The following MYO16 variants were observed in gnomAD, a reference collection of about 807,000 sequenced individuals.
MYO16 encodes myosin XVI.
Under a neutral mutation model 205.3 loss-of-function variants are expected in MYO16, and 94 were observed. The ratio of observed to expected loss-of-function variants is 0.46; its 90% CI spans 0.39 to 0.54. The LOEUF (loss-of-function observed/expected upper bound fraction) is 0.54, where lower values mean the gene tolerates loss of function less well. MYO16 is among the 20% of genes least tolerant of loss of function. The pLI is 0.00. For synonymous variants in MYO16, 988 were observed against 954.0 expected (o/e 1.04, Z -0.66); for missense variants, 2,315 against 2,387.5 (o/e 0.97, Z 0.63).
At chr13:108,553,993 C>T in the MYO16 span, among the ~76,000 whole-genome samples, 1 of 152,202 alleles carries the variant, frequency 6.6e-6, no homozygotes, top group African/African-American at 2.4e-5. Flanking sequence ...CTCACCAATG[C>T]ACTCTGATGG....
At chr13:108,902,769 AC>A (rs1165159567) in intron 15 of MYO16, among the ~76,000 whole-genome samples, 1 of 152,154 alleles carries the variant, frequency 6.6e-6, no homozygotes, top group Non-Finnish European at 1.5e-5. Context: ...ATTAGGACAC[AC>A]CCTACTCCAG....
At chr13:108,542,494 A>G in the MYO16 span, among the ~76,000 whole-genome samples, 2 of 152,194 alleles carry the variant, frequency 1.3e-5, no homozygotes, top group East Asian at 3.8e-4. Flanking sequence ...TTTTTTAAAA[A>G]TAAATAGTTA....
chr13:108,536,510 A>G, the MYO16 span, among the ~76,000 whole-genome samples: 1 of 152,032 alleles, frequency 6.6e-6, no homozygotes, highest in East Asian at 1.9e-4. Context: ...AATAACAGTA[A>G]CAAGCTCTGT....
At chr13:108,695,625 A>G (rs2076942144) in intron 2 of MYO16, among the ~76,000 whole-genome samples, 1 of 152,148 alleles carries the variant, frequency 6.6e-6, no homozygotes, top group Non-Finnish European at 1.5e-5. Context: ...AAAATATATT[A>G]GTTATTGTAG....
At chr13:109,113,170 T>G (rs1875491514) in intron 28 of MYO16, among the ~76,000 whole-genome samples, 1 of 152,154 alleles carries the variant, frequency 6.6e-6, no homozygotes, top group Non-Finnish European at 1.5e-5. Flanking sequence ...TTGAATAAGT[T>G]CTAGAAGCCT....
intron 20 of MYO16, among the ~76,000 whole-genome samples, chr13:108,985,777 A>C (rs544897518): frequency 2.0e-5 from 3 of 152,230 alleles, no homozygotes; most frequent in Non-Finnish European, 4.4e-5. Context: ...ATGAATCTGC[A>C]TTTAAGTGCT....
chr13:108,623,110 A>G (rs1404391661), intron 1 of MYO16, among the ~76,000 whole-genome samples: 2 of 152,134 alleles, frequency 1.3e-5, no homozygotes, highest in African/African-American at 4.8e-5. Context: ...TACACACACG[A>G]CGTCCAGCTT....
At chr13:108,546,613 AT>A in the MYO16 span, among the ~76,000 whole-genome samples, 28 of 151,612 alleles carry the variant, frequency 1.8e-4, no homozygotes, top group South Asian at 4.8e-3. Flanking sequence ...CACTTTCTGA[AT>A]TTTTTTTGCA....
chr13:108,574,246 G>T, the MYO16 span, among the ~76,000 whole-genome samples: 3 of 152,100 alleles, frequency 2.0e-5, no homozygotes, highest in African/African-American at 7.2e-5. Flanking sequence ...TATGTCTCTT[G>T]TTGGCATCCA....
At chr13:108,579,002 G>A in the MYO16 span, among the ~76,000 whole-genome samples, 5 of 151,756 alleles carry the variant, frequency 3.3e-5, no homozygotes, top group Non-Finnish European at 7.4e-5. Context: ...TAATGGCTGT[G>A]AAATTATATC....
intron 16 of MYO16, among the ~76,000 whole-genome samples, chr13:108,927,500 G>A (rs1325783498): frequency 1.3e-5 from 2 of 152,178 alleles, no homozygotes; most frequent in Admixed American, 6.5e-5. Flanking sequence ...TGCAGTGGGA[G>A]CCACCCTTCT....
Position 108,883,108 on chromosome 13 carries a change from C to T in MYO16, c.1475C>T (p.Pro492Leu), listed in dbSNP as rs1004130949. The T allele has an allele frequency of 1.9e-6, 3 of 1,614,124 alleles. No individual in the cohort carries two copies. The highest frequency in any genetic ancestry group is 2.5e-6 in the Non-Finnish European group (3 of 1,180,008). Residue 492 changes from proline (P) to leucine (L), a missense_variant, in exon 13 of 35, where the codon CCT becomes CTT. Physicochemically the swap from Pro to Leu is moderately conservative, Grantham distance 98. Coordinates refer to ENST00000457511, the MANE Select transcript of MYO16 (RefSeq NM_001198950.3). ...SSSGKLCSSL[P>L]PHLFSCVERA... Reference sequence around the variant, plus strand: ...TCAGGGAAGCTGTGTTCCTCGCTGCCTCCTCACCTCTTCTCCTGTGTGGAG... The same window carrying T: ...TCAGGGAAGCTGTGTTCCTCGCTGCTTCCTCACCTCTTCTCCTGTGTGGAG...
chr13:108,937,178 A>G (rs1882526996), intron 16 of MYO16, among the ~76,000 whole-genome samples: 2 of 151,804 alleles, frequency 1.3e-5, no homozygotes, highest in Non-Finnish European at 2.9e-5. Context: ...CAGACCCCCA[A>G]TTTTTCCTGG....
In MYO16 at chr13:109,206,791, C is replaced by G. The variant is rs766837322; in HGVS notation, c.5598C>G (p.Ala1866=). ...KPSLLKKPEG[A]SCNRLPSELW... ...GCCTTCTGAAGAAGCCGGAAGGGGC[C>G]TCCTGCAACAGGCTGCCGTCTGAGC... Residue 1866 remains alanine, a synonymous_variant, in exon 35 of 35, where the codon GCC becomes GCG. Coordinates refer to ENST00000457511, the MANE Select transcript of MYO16 (RefSeq NM_001198950.3). 1 of 1,614,226 alleles carries G rather than the reference C, an allele frequency of 6.2e-7. No homozygotes were observed. The highest frequency in any genetic ancestry group is 2.2e-5 in the East Asian group (1 of 44,876).
chr13:108,972,249 C>CTCTCTCTCTATATATATATA (rs1178345437), intron 20 of MYO16, among the ~76,000 whole-genome samples: 3 of 2,850 alleles, frequency 1.1e-3, no homozygotes, highest in African/African-American at 2.7e-3. Context: ...CTCTCTCTCT[C>CTCTCTCTCTATATATATATA]TATATATATA....
intron 6 of MYO16, among the ~76,000 whole-genome samples, chr13:108,802,163 T>G (rs1005188647): frequency 2.6e-5 from 4 of 152,234 alleles, no homozygotes; most frequent in Non-Finnish European, 5.9e-5. Flanking sequence ...ATAGTCATCC[T>G]GCTTTGCAAC....
chr13:108,971,694 T>C (rs1471406872), intron 20 of MYO16, among the ~76,000 whole-genome samples: 17 of 152,122 alleles, frequency 1.1e-4, no homozygotes, highest in Admixed American at 9.8e-4. Flanking sequence ...TCTTATAGTA[T>C]TTTAGTTGAC....
At chr13:109,119,806 G>T (rs1875897536) in intron 28 of MYO16, among the ~76,000 whole-genome samples, 1 of 152,172 alleles carries the variant, frequency 6.6e-6, no homozygotes. Flanking sequence ...GTTGCTCAAA[G>T]ATGACTTTCT....
Position 108,982,215 on chromosome 13 carries a change from A to G in MYO16, c.2370-10161A>G, listed in dbSNP as rs1475672243. Among the ~76,000 whole-genome samples, 4 of 152,366 alleles carry G rather than the reference A, an allele frequency of 2.6e-5. No individual in the cohort carries two copies. The East Asian group carries it at 7.7e-4, about 29-fold the overall frequency. On this transcript the variant is annotated intron_variant, in intron 20 of 34. Coordinates refer to ENST00000457511, the MANE Select transcript of MYO16 (RefSeq NM_001198950.3). ...CGTGTTGTATTCAGGAATTTTGCTC[A>G]ATGAGTAGATTATACCTGCTCTTGC...
Sources: allele counts gnomAD v4.1 joint callset (sites outside exome capture counted in the v4.1 genomes callset), GRCh38; gene constraint gnomAD v4.1.1; transcripts MANE v1.5; gene names NCBI Gene and HGNC (gene_info 2026-07-23, HGNC 2026-07-21).